DGKI: variants seen among roughly 807,000 people sequenced by gnomAD.
DGKI encodes diacylglycerol kinase iota.
DGKI carries 55 observed loss-of-function variants against 147.5 expected under a neutral mutation model. The ratio of observed to expected loss-of-function variants is 0.37; its 90% CI spans 0.30 to 0.47. DGKI has a LOEUF of 0.47. Ranked by LOEUF, DGKI falls within the 20% of genes least tolerant of loss-of-function variation. The pLI is 1.00. For missense variants in DGKI, 1,007 were observed against 1,323.8 expected (o/e 0.76, Z 3.71); for synonymous variants, 469 against 477.1 (o/e 0.98, Z 0.22).
At chr7:137,608,097 T>C (rs926346341) in intron 10 of DGKI, among the ~76,000 whole-genome samples, 7 of 152,206 alleles carry the variant, frequency 4.6e-5, no homozygotes, top group African/African-American at 1.7e-4. Context: ...GTCAATCCTA[T>C]TTATACAACT....
intron 22 of DGKI, among the ~76,000 whole-genome samples, chr7:137,487,243 A>T (rs374992611): frequency 6.6e-6 from 1 of 152,306 alleles, no homozygotes; most frequent in South Asian, 2.1e-4. Context: ...TGTCTCTGAC[A>T]TAAGTGTCAG....
chr7:137,684,487 GT>G (rs1482736246), intron 2 of DGKI, among the ~76,000 whole-genome samples: 1 of 152,158 alleles, frequency 6.6e-6, no homozygotes, highest in African/African-American at 2.4e-5. Flanking sequence ...GACAGCGTTT[GT>G]TTAGATAATC....
chr7:137,546,407 A>G (rs1347414831), intron 20 of DGKI, among the ~76,000 whole-genome samples: 1 of 152,192 alleles, frequency 6.6e-6, no homozygotes, highest in Admixed American at 6.5e-5. Context: ...TCACACAGCC[A>G]TCAGGTTTCC....
At chr7:137,642,232 G>T (rs1288713176) in intron 6 of DGKI, among the ~76,000 whole-genome samples, 2 of 152,156 alleles carry the variant, frequency 1.3e-5, no homozygotes, top group Non-Finnish European at 1.5e-5. Context: ...TATGGTTTCT[G>T]TTGGGTTTGG....
intron 1 of DGKI, among the ~76,000 whole-genome samples, chr7:137,762,682 T>C (rs1009438214): frequency 8.5e-5 from 13 of 152,212 alleles, no homozygotes; most frequent in African/African-American, 3.1e-4. Context: ...CTGATCTCCT[T>C]GCTCGGTTCA....
intron 28 of DGKI, among the ~76,000 whole-genome samples, chr7:137,439,976 A>C (rs1428779840): frequency 1.3e-5 from 2 of 152,324 alleles, no homozygotes; most frequent in East Asian, 3.9e-4. Flanking sequence ...ACCTGCCCTG[A>C]GTGTGCTGGC....
At chr7:137,740,472 G>C (rs1795144216) in intron 1 of DGKI, among the ~76,000 whole-genome samples, 1 of 152,158 alleles carries the variant, frequency 6.6e-6, no homozygotes, top group African/African-American at 2.4e-5. Context: ...GCAATGGCAG[G>C]TGTATGGTGT....
intron 20 of DGKI, among the ~76,000 whole-genome samples, chr7:137,547,786 C>T (rs1262553218): frequency 1.3e-5 from 2 of 152,142 alleles, no homozygotes; most frequent in Non-Finnish European, 2.9e-5. Flanking sequence ...TAACCAAGAG[C>T]ACCACTGAAA....
chr7:137,430,849 T>C (rs1211591096), intron 28 of DGKI, among the ~76,000 whole-genome samples: 1 of 151,992 alleles, frequency 6.6e-6, no homozygotes, highest in Non-Finnish European at 1.5e-5. Context: ...GAGGAGTGTG[T>C]CAGGAATAGC....
chr7:137,613,951 T>C (rs1367353303), intron 8 of DGKI, among the ~76,000 whole-genome samples: 1 of 152,178 alleles, frequency 6.6e-6, no homozygotes, highest in Non-Finnish European at 1.5e-5. Context: ...CAGTAAAAAC[T>C]CTGCATATAT....
intron 6 of DGKI, among the ~76,000 whole-genome samples, chr7:137,644,859 A>G (rs1821769956): frequency 6.6e-6 from 1 of 152,174 alleles, no homozygotes; most frequent in South Asian, 2.1e-4. Context: ...TCAATGACAC[A>G]TGGAATCTAT....
intron 21 of DGKI, among the ~76,000 whole-genome samples, chr7:137,517,327 G>GAAAGAA (rs1816804808): frequency 9.2e-6 from 1 of 108,356 alleles, no homozygotes; most frequent in Non-Finnish European, 1.8e-5. Context: ...AAGAAAGAAA[G>GAAAGAA]AAAGAAAGAA....
In DGKI at chr7:137,716,806, C is replaced by T. The variant is rs184679748; in HGVS notation, c.402-26804G>A. 2.8e-3 allele frequency among the ~76,000 whole-genome samples: 422 copies of T among 152,306 alleles called. 1 individual carries two copies. The highest frequency in any genetic ancestry group is 4.4e-3 in the Non-Finnish European group (300 of 68,030). ...GCTCCTATTTAAACATTTCACAGTA[C>T]GATAGCTAGCCTATTCCTTTGCCTC... On this transcript the variant is annotated intron_variant, in intron 1 of 32. Coordinates refer to ENST00000614521, the MANE Select transcript of DGKI (RefSeq NM_001321708.2).
At chr7:137,655,201 CTT>C (rs201766847) in intron 4 of DGKI, among the ~76,000 whole-genome samples, 1,647 of 140,620 alleles carry the variant, frequency 0.012, 23 homozygotes, top group African/African-American at 0.041. Flanking sequence ...CAGAGTTATT[CTT>C]TTTTTTTTTT....
intron 1 of DGKI, among the ~76,000 whole-genome samples, chr7:137,759,554 C>A (rs920762134): frequency 3.3e-5 from 5 of 152,018 alleles, no homozygotes; most frequent in African/African-American, 9.7e-5. Context: ...GTTGGCCAGG[C>A]TCGTCTCGAA....
chr7:137,660,927 C>T (rs1048889840), intron 3 of DGKI, among the ~76,000 whole-genome samples: 1 of 152,068 alleles, frequency 6.6e-6, no homozygotes, highest in Admixed American at 6.5e-5. Context: ...GGGTTAGCTA[C>T]TTTCACAGGC....
chr7:137,525,751 T>G (rs1817122632), intron 20 of DGKI, among the ~76,000 whole-genome samples: 1 of 152,208 alleles, frequency 6.6e-6, no homozygotes, highest in Non-Finnish European at 1.5e-5. Flanking sequence ...ATTATAATAA[T>G]TATTCTGAAA....
Position 137,596,080 on chromosome 7 carries a change from G to A in DGKI, c.1311+1767C>T, listed in dbSNP as rs368905261. Among the ~76,000 whole-genome samples the A allele has an allele frequency of 3.3e-5, 5 of 151,174 alleles. No homozygotes were observed. The East Asian group carries it at 7.8e-4, about 23-fold the overall frequency. ...AGAAGAAAGGAGAGAGAATGAGGGA[G>A]GGAGAGGTGGAATGGGAGTTTCCAT... On this transcript the variant is annotated intron_variant, in intron 12 of 32. Coordinates refer to ENST00000614521, the MANE Select transcript of DGKI (RefSeq NM_001321708.2).
At chr7:137,654,361 T>A (rs560858965) in intron 5 of DGKI, among the ~76,000 whole-genome samples, 43 of 152,186 alleles carry the variant, frequency 2.8e-4, no homozygotes, top group African/African-American at 9.2e-4. Flanking sequence ...CCACTCAAAA[T>A]TGAAAAATGC....
Sources: gnomAD v4.1 joint callset for allele counts (sites outside exome capture counted in the v4.1 genomes callset) on GRCh38, gnomAD v4.1.1 for gene constraint, MANE v1.5 for transcripts, NCBI Gene and HGNC (gene_info 2026-07-23, HGNC 2026-07-21) for gene names.